ZNF423: variants seen among roughly 807,000 people sequenced by gnomAD.
The protein encoded by ZNF423 is Ebf-associated zinc finger protein.
In ZNF423, 12 loss-of-function variants were observed where a neutral mutation model predicts 95.8. That is an observed-to-expected ratio of 0.13 (90% CI 0.08 to 0.20). ZNF423 has a LOEUF of 0.20. ZNF423 is among the 10% of genes least tolerant of loss of function. The pLI, the probability that ZNF423 is intolerant of heterozygous loss-of-function variation, is 1.00. For missense variants in ZNF423, 1,316 were observed against 1,737.1 expected (o/e 0.76, Z 4.31); for synonymous variants, 749 against 711.9 (o/e 1.05, Z -0.83).
At chr16:49,656,493 G>C (rs1230572777) in intron 3 of ZNF423, among the ~76,000 whole-genome samples, 1 of 151,514 alleles carries the variant, frequency 6.6e-6, no homozygotes, top group African/African-American at 2.4e-5. Context: ...CTGGATGACA[G>C]AGCAAGACTC....
intron 5 of ZNF423, among the ~76,000 whole-genome samples, chr16:49,544,046 G>A (rs1042967611): frequency 6.6e-6 from 1 of 152,198 alleles, no homozygotes; most frequent in South Asian, 2.1e-4. Flanking sequence ...GTGGTACTGG[G>A]TCCATCCATG....
intron 5 of ZNF423, among the ~76,000 whole-genome samples, chr16:49,595,359 G>T (rs1265741053): frequency 6.6e-6 from 1 of 152,188 alleles, no homozygotes; most frequent in African/African-American, 2.4e-5. Flanking sequence ...AGAAACCCCA[G>T]GGCTAAACTG....
chr16:49,555,460 T>G (rs1363045457), intron 5 of ZNF423, among the ~76,000 whole-genome samples: 1 of 152,258 alleles, frequency 6.6e-6, no homozygotes, highest in African/African-American at 2.4e-5. Context: ...TGTTGTCCTC[T>G]GCTATTTTTT....
intron 7 of ZNF423, among the ~76,000 whole-genome samples, chr16:49,506,475 T>C (rs1372478043): frequency 4.2e-5 from 6 of 144,358 alleles, no homozygotes; most frequent in Middle Eastern, 3.8e-3. Flanking sequence ...GATGAATGAA[T>C]AGATGGATGG....
chr16:49,616,640 AAAG>A, intron 5 of ZNF423, among the ~76,000 whole-genome samples: 2 of 152,302 alleles, frequency 1.3e-5, no homozygotes, highest in South Asian at 4.1e-4. Flanking sequence ...AAAATTAAAA[AAAG>A]AAAACTGAAT....
chr16:49,738,946 T>C (rs2033352335), intron 2 of ZNF423, among the ~76,000 whole-genome samples: 1 of 151,916 alleles, frequency 6.6e-6, no homozygotes, highest in Non-Finnish European at 1.5e-5. Flanking sequence ...GTGGAGCTGA[T>C]GGAACCAAGT....
chr16:49,725,914 T>A (rs2033001144), intron 3 of ZNF423, among the ~76,000 whole-genome samples: 1 of 152,046 alleles, frequency 6.6e-6, no homozygotes, highest in South Asian at 2.1e-4. Flanking sequence ...GGAACGGAGC[T>A]GAAGGGAAGA....
chr16:49,742,040 T>A (rs1405270773), intron 2 of ZNF423, among the ~76,000 whole-genome samples: 1 of 152,188 alleles, frequency 6.6e-6, no homozygotes, highest in South Asian at 2.1e-4. Context: ...TCAACAAACA[T>A]TTACTGAGCA....
chr16:49,630,881 A>G (rs1972471604), intron 4 of ZNF423, among the ~76,000 whole-genome samples: 2 of 152,056 alleles, frequency 1.3e-5, no homozygotes, highest in Admixed American at 1.3e-4. Flanking sequence ...AGGGTTCCCA[A>G]GGGAAGGGCC....
intron 5 of ZNF423, among the ~76,000 whole-genome samples, chr16:49,533,485 A>T (rs1968933759): frequency 6.6e-6 from 1 of 152,194 alleles, no homozygotes; most frequent in Non-Finnish European, 1.5e-5. Context: ...CTGAAACTCA[A>T]ATCAGAAGAC....
intron 5 of ZNF423, among the ~76,000 whole-genome samples, chr16:49,554,766 A>G (rs1272814777): frequency 6.6e-6 from 1 of 152,024 alleles, no homozygotes; most frequent in East Asian, 1.9e-4. Flanking sequence ...ACAGATAAAG[A>G]TCGCCCTTAA....
intron 3 of ZNF423, among the ~76,000 whole-genome samples, chr16:49,678,239 A>T (rs1174313721): frequency 3.3e-5 from 5 of 151,606 alleles, no homozygotes; most frequent in Admixed American, 6.6e-5. Context: ...TTTTTTTTTT[A>T]AAGCTACTAT....
chr16:49,558,972 G>A lies in ZNF423; in HGVS notation c.3602-33478C>T, dbSNP rs867047684. 5.9e-5 allele frequency among the ~76,000 whole-genome samples: 9 copies of A among 152,286 alleles called. No homozygotes were observed. In the South Asian group the frequency reaches 1.5e-3, roughly 25 times the overall value. On this transcript the variant is annotated intron_variant, in intron 5 of 7. Transcript: ENST00000563137. ...GGGGGTCTCAGAGGCAGGGATGTCC[G>A]AGGTGGGGGCAAGTCCTGAGCTCCT...
At chr16:49,786,444 G>C (rs2034315821) in intron 2 of ZNF423, among the ~76,000 whole-genome samples, 1 of 152,218 alleles carries the variant, frequency 6.6e-6, no homozygotes, top group Non-Finnish European at 1.5e-5. Context: ...TGCGCTCTGG[G>C]CCAAGAGGGC....
At chr16:49,797,953 T>C (rs1246782620) in intron 1 of ZNF423, among the ~76,000 whole-genome samples, 1 of 152,112 alleles carries the variant, frequency 6.6e-6, no homozygotes, top group Non-Finnish European at 1.5e-5. Context: ...CTCACACCTA[T>C]GATACCAGCA....
At chr16:49,574,759 C>T (rs1324717241) in intron 5 of ZNF423, among the ~76,000 whole-genome samples, 1 of 152,190 alleles carries the variant, frequency 6.6e-6, no homozygotes, top group Non-Finnish European at 1.5e-5. Context: ...TGCTTTCCCT[C>T]TCTCCTGGAG....
chr16:49,758,881 T>G (rs1466036490), intron 2 of ZNF423, among the ~76,000 whole-genome samples: 1 of 152,122 alleles, frequency 6.6e-6, no homozygotes, highest in Non-Finnish European at 1.5e-5. Flanking sequence ...GTGATCACCA[T>G]AAAAGTCAAG....
In ZNF423 at chr16:49,570,330, T is replaced by C. The variant is rs139197931; in HGVS notation, c.3602-44836A>G. 5.7e-3 allele frequency among the ~76,000 whole-genome samples: 868 copies of C among 152,270 alleles called. 8 individuals carry two copies. Among genetic ancestry groups the C allele is most frequent in the Middle Eastern group, 0.02 (6 of 294 alleles). Reference sequence around the variant, plus strand: ...CATGGCAACCATGTGAGATGGGTGTTACCATCCCCATTTTACAGATAAGAA... The same window carrying C: ...CATGGCAACCATGTGAGATGGGTGTCACCATCCCCATTTTACAGATAAGAA... On this transcript the variant is annotated intron_variant, in intron 5 of 7. Transcript: ENST00000563137.
chr16:49,693,271 G>A (rs2031854401), intron 3 of ZNF423, among the ~76,000 whole-genome samples: 2 of 152,162 alleles, frequency 1.3e-5, no homozygotes, highest in Admixed American at 1.3e-4. Flanking sequence ...GCAGGGTGTG[G>A]GAAGAACCCG....
Sources: gnomAD v4.1 joint callset for allele counts (sites outside exome capture counted in the v4.1 genomes callset) on GRCh38, gnomAD v4.1.1 for gene constraint, MANE v1.5 for transcripts, NCBI Gene and HGNC (gene_info 2026-07-23, HGNC 2026-07-21) for gene names.